The following PLA2G5 variants were observed in gnomAD, a reference collection of about 807,000 sequenced individuals.
The protein encoded by PLA2G5 is phospholipase A2 group V, also known as Ca2+-dependent phospholipase A2.
In PLA2G5, 12 loss-of-function variants were observed where a neutral mutation model predicts 15.9. The observed-to-expected ratio is 0.76, with a 90% CI of 0.48 to 1.23. The LOEUF is 1.23. PLA2G5 is among the 50% of genes most tolerant of loss of function. The probability of loss-of-function intolerance (pLI) is 0.00; values close to 1 mark genes in which losing one functional copy is unlikely to be tolerated. For missense variants in PLA2G5, 169 were observed against 177.1 expected, an observed-to-expected ratio of 0.95 and a Z score of 0.26; for synonymous variants, 71 against 71.4, an observed-to-expected ratio of 0.99 and a Z score of 0.03.
chr1:20,077,665 A>G (rs561536871), intron 1 of PLA2G5, among the ~76,000 whole-genome samples: 20 of 152,296 alleles, frequency 1.3e-4, no homozygotes, highest in African/African-American at 4.8e-4. Flanking sequence ...TCATCGAATT[A>G]TCAGCGTTAC....
chr1:20,059,902 G>A (rs1275343069), intron 2 of PLA2G5, among the ~76,000 whole-genome samples: 2 of 152,168 alleles, frequency 1.3e-5, no homozygotes, highest in African/African-American at 2.4e-5. Flanking sequence ...AGAAGCAGCC[G>A]TTCCCTTAAC....
chr1:20,075,864 TTC>T lies in PLA2G5; in HGVS notation c.-11+5403_-11+5404del, dbSNP rs1424900052. 6.3e-5 allele frequency among the ~76,000 whole-genome samples: 9 copies of T among 142,060 alleles called. No homozygotes were observed. The South Asian group carries it at 2.0e-3, about 32-fold the overall frequency. The allele number at this position is 142,060 out of a possible 152,430, so 93.2% of individuals were successfully genotyped here. Reference sequence around the variant, plus strand: ...TGGAAATGTGGAAATGTGGATTTCTTTCTCTTTTTTTTTTTTTTTTTTTTTGA... The same window carrying T: ...TGGAAATGTGGAAATGTGGATTTCTTTCTTTTTTTTTTTTTTTTTTTTTGA... On this transcript the variant is annotated intron_variant, in intron 1 of 4. Coordinates refer to ENST00000375108, the MANE Select transcript of PLA2G5 (RefSeq NM_000929.3).
intron 1 of PLA2G5, among the ~76,000 whole-genome samples, chr1:20,053,316 T>A (rs2014266780): frequency 6.6e-6 from 1 of 152,198 alleles, no homozygotes; most frequent in South Asian, 2.1e-4. Flanking sequence ...AAACTGATAA[T>A]CCATACCTCT....
intron 1 of PLA2G5, among the ~76,000 whole-genome samples, chr1:20,043,601 G>T (rs1345384464): frequency 6.6e-6 from 1 of 152,220 alleles, no homozygotes; most frequent in Middle Eastern, 3.4e-3. Flanking sequence ...AATGAGCTGT[G>T]GCTGTAGTCC....
chr1:20,083,774 G>A lies in PLA2G5; in HGVS notation c.-10-1047G>A, dbSNP rs1320870634. Among the ~76,000 whole-genome samples, 5 of 151,720 alleles carry A rather than the reference G, an allele frequency of 3.3e-5. No homozygotes were observed. In the East Asian group the frequency reaches 5.8e-4, roughly 18 times the overall value. ...TGAGGGGTGCAGAAGGACGCGGCTC[G>A]AATCCAGCCTCCACTGCTTAATGGC... On this transcript the variant is annotated intron_variant, in intron 1 of 4. Transcript: ENST00000375108.
chr1:20,028,983 A>C (rs372634301), intron 1 of PLA2G5, among the ~76,000 whole-genome samples: 1 of 152,188 alleles, frequency 6.6e-6, no homozygotes, highest in African/African-American at 2.4e-5. Flanking sequence ...CTGAGGCCCC[A>C]GTGGGCGTGT....
upstream of PLA2G5, among the ~76,000 whole-genome samples, chr1:20,069,703 GAAA>G (rs2015244625): frequency 1.5e-5 from 1 of 67,672 alleles, no homozygotes; most frequent in African/African-American, 4.4e-5. Context: ...AAGAAAGAAA[GAAA>G]GAAAGAAAGA....
At position 20,045,830 on chromosome 1, in the gene PLA2G5, T is replaced by A. The variant is rs146878059; in HGVS notation, n.277-13802T>A. The stretch of plus-strand genomic sequence containing the variant: ...GCTGCACCCAGATGAAATAAACAGC[T>A]TTATTGCTCACACAAAGCCTGTCTG... On this transcript the variant is annotated intron_variant and non_coding_transcript_variant, in intron 1 of 6. Coordinates refer to the PLA2G5 transcript ENST00000460175. Among the ~76,000 whole-genome samples the A allele has an allele frequency of 1.5e-4, 23 of 152,306 alleles. 1 individual carries two copies. Among genetic ancestry groups the A allele is most frequent in the African/African-American group, 5.1e-4 (21 of 41,574 alleles).
At chr1:20,074,830 A>G (rs2015582777) in intron 1 of PLA2G5, among the ~76,000 whole-genome samples, 1 of 152,142 alleles carries the variant, frequency 6.6e-6, no homozygotes, top group African/African-American at 2.4e-5. Flanking sequence ...GACAGTTCTG[A>G]TTCCTCCTAC....
At chr1:20,049,373 T>A (rs1463419200) in intron 1 of PLA2G5, among the ~76,000 whole-genome samples, 1 of 152,228 alleles carries the variant, frequency 6.6e-6, no homozygotes, top group East Asian at 1.9e-4. Context: ...ACTAAATAAT[T>A]GGTTAGAACA....
chr1:20,071,222 G>C (rs653910), intron 1 of PLA2G5, among the ~76,000 whole-genome samples: 85,317 of 152,020 alleles, frequency 0.56, 24,072 homozygotes, highest in Middle Eastern at 0.71. Flanking sequence ...ATGAGAGAAG[G>C]CCCATAAAGA....
intron 4 of PLA2G5, among the ~76,000 whole-genome samples, chr1:20,090,345 A>C (rs1292873044): frequency 1.3e-5 from 2 of 152,208 alleles, no homozygotes; most frequent in East Asian, 1.9e-4. Context: ...TGCTTCCTCT[A>C]TCAGACTGGG....
At chr1:20,055,922 G>A (rs139789663) in intron 1 of PLA2G5, among the ~76,000 whole-genome samples, 7 of 152,266 alleles carry the variant, frequency 4.6e-5, no homozygotes, top group Admixed American at 1.3e-4. Flanking sequence ...ATCAGAGAAG[G>A]TTCTCTAGGA....
At chr1:20,083,729 A>G (rs577663669) in intron 1 of PLA2G5, among the ~76,000 whole-genome samples, 1 of 151,958 alleles carries the variant, frequency 6.6e-6, no homozygotes, top group East Asian at 1.9e-4. Flanking sequence ...GCCTCTGGGA[A>G]GGGAGGCTGC....
At chr1:20,034,212 G>A (rs770838405) in intron 1 of PLA2G5, among the ~76,000 whole-genome samples, 1 of 152,132 alleles carries the variant, frequency 6.6e-6, no homozygotes, top group Non-Finnish European at 1.5e-5. Flanking sequence ...GCAAGGGGAA[G>A]TTCAGCTAGG....
rs1159788933 is a variant in PLA2G5 at position 20,090,824 on chromosome 1, C to A, written c.*132C>A. 8.9e-6 allele frequency: 8 copies of A among 902,668 alleles called. No individual in the cohort carries two copies. In the Admixed American group the frequency reaches 1.4e-4, roughly 15 times the overall value. 55.9% of individuals were successfully genotyped at this position (902,668 alleles called of 1,614,324 possible). On this transcript the variant is annotated 3_prime_UTR_variant, in exon 5 of 5. Coordinates refer to ENST00000375108, the MANE Select transcript of PLA2G5 (RefSeq NM_000929.3). ...TCAGTCTTTCTCGAAGCTTGGCGGA[C>A]CCCCAGGGCCACACTGTACCCTCCA...
rs376385944 is a variant in PLA2G5 at position 20,084,183 on chromosome 1, G to A, written c.-10-638G>A. ...CCCTGAAAGCCACTGGCACATTGTGGGAGCCCAGGCTTCACTGCTGAGCAC... is the reference window on the plus strand; with the variant it reads ...CCCTGAAAGCCACTGGCACATTGTGAGAGCCCAGGCTTCACTGCTGAGCAC... On this transcript the variant is annotated intron_variant, in intron 1 of 4. Coordinates refer to ENST00000375108, the MANE Select transcript of PLA2G5 (RefSeq NM_000929.3). Among the ~76,000 whole-genome samples, 9 of 152,078 alleles carry A rather than the reference G, an allele frequency of 5.9e-5. No individual in the cohort carries two copies. The East Asian group carries it at 7.7e-4, about 13-fold the overall frequency.
At chr1:20,081,676 G>C (rs956151688) in intron 1 of PLA2G5, among the ~76,000 whole-genome samples, 2 of 151,778 alleles carry the variant, frequency 1.3e-5, no homozygotes, top group Non-Finnish European at 2.9e-5. Context: ...TGGAGTGTGA[G>C]AGTGAGGGAA....
At chr1:20,064,181 G>T (rs985300842) in intron 2 of PLA2G5, among the ~76,000 whole-genome samples, 8 of 152,170 alleles carry the variant, frequency 5.3e-5, no homozygotes, top group Admixed American at 4.6e-4. Context: ...GACTCAGGAT[G>T]AAACATCAGT....
Sources: allele counts gnomAD v4.1 joint callset (sites outside exome capture counted in the v4.1 genomes callset), GRCh38; gene constraint gnomAD v4.1.1; transcripts MANE v1.5; gene names NCBI Gene and HGNC (gene_info 2026-07-23, HGNC 2026-07-21).